The following NRG3 variants were observed in gnomAD, a reference collection of about 807,000 sequenced individuals.
The protein encoded by NRG3 is neuregulin 3, also known as pro-neuregulin-3, membrane-bound isoform.
NRG3 carries 31 observed loss-of-function variants against 66.9 expected under a neutral mutation model. That is an observed-to-expected ratio of 0.46 (90% CI 0.35 to 0.63). The LOEUF (loss-of-function observed/expected upper bound fraction) is 0.63. Ranked by LOEUF, NRG3 falls within the 20% of genes least tolerant of loss-of-function variation. NRG3 has a pLI of 0.00. For synonymous variants in NRG3, 393 were observed against 359.4 expected (o/e 1.09, Z -1.06); for missense variants, 910 against 878.9 (o/e 1.04, Z -0.45).
chr10:82,278,156 C>T, intron 1 of NRG3, among the ~76,000 whole-genome samples: 1 of 151,998 alleles, frequency 6.6e-6, no homozygotes. Flanking sequence ...ACGATTTACA[C>T]TAAAATTAGC....
chr10:82,260,511 A>C (rs931603633), intron 1 of NRG3, among the ~76,000 whole-genome samples: 3 of 152,188 alleles, frequency 2.0e-5, no homozygotes, highest in Admixed American at 6.5e-5. Flanking sequence ...CAGGTTGGGT[A>C]AAGACAATGA....
intron 4 of NRG3, among the ~76,000 whole-genome samples, chr10:82,947,861 A>T (rs1849161241): frequency 6.6e-6 from 1 of 152,076 alleles, no homozygotes; most frequent in Non-Finnish European, 1.5e-5. Context: ...TTCAGACTGT[A>T]TCTTGCCTTT....
At chr10:82,540,160 G>T (rs1231108309) in intron 2 of NRG3, among the ~76,000 whole-genome samples, 1 of 150,618 alleles carries the variant, frequency 6.6e-6, no homozygotes. Flanking sequence ...TTCCATAGCC[G>T]TGCTGTAATT....
intron 1 of NRG3, among the ~76,000 whole-genome samples, chr10:82,294,798 G>GT (rs1428463447): frequency 2.6e-5 from 4 of 151,998 alleles, no homozygotes; most frequent in Non-Finnish European, 5.9e-5. Context: ...AATTTCTGCT[G>GT]TTTCATGTAC....
chr10:82,279,649 AC>A (rs2079032337), intron 1 of NRG3, among the ~76,000 whole-genome samples: 1 of 152,178 alleles, frequency 6.6e-6, no homozygotes, highest in Non-Finnish European at 1.5e-5. Flanking sequence ...TTTTCTGACA[AC>A]GAACACGGAG....
chr10:82,651,605 T>A (rs2051419101), intron 2 of NRG3, among the ~76,000 whole-genome samples: 1 of 152,132 alleles, frequency 6.6e-6, no homozygotes, highest in African/African-American at 2.4e-5. Context: ...TAGCCAGCAG[T>A]CGTGAGTGTG....
chr10:82,058,973 A>G (rs1020962642), intron 1 of NRG3, among the ~76,000 whole-genome samples: 3 of 152,202 alleles, frequency 2.0e-5, no homozygotes, highest in African/African-American at 7.2e-5. Context: ...ATGGTGGAGA[A>G]GGAGCAAGAA....
chr10:82,898,861 G>A (rs909125367), intron 4 of NRG3, among the ~76,000 whole-genome samples: 1 of 151,310 alleles, frequency 6.6e-6, no homozygotes, highest in Non-Finnish European at 1.5e-5. Flanking sequence ...AGTTGGGACT[G>A]CAGGCACCCC....
At chr10:82,180,671 C>T (rs193298520) in intron 1 of NRG3, among the ~76,000 whole-genome samples, 1 of 151,804 alleles carries the variant, frequency 6.6e-6, no homozygotes, top group African/African-American at 2.4e-5. Flanking sequence ...TTTTTACATG[C>T]ATATTCATCA....
chr10:82,519,429 G>A (rs980175804), intron 2 of NRG3, among the ~76,000 whole-genome samples: 2 of 152,164 alleles, frequency 1.3e-5, no homozygotes, highest in African/African-American at 2.4e-5. Context: ...ATTTAGCAAT[G>A]TAGGCGTTAT....
At chr10:82,512,281 T>C (rs964433597) in intron 2 of NRG3, among the ~76,000 whole-genome samples, 8 of 151,544 alleles carry the variant, frequency 5.3e-5, no homozygotes, top group African/African-American at 1.2e-4. Flanking sequence ...TTTTTATTTA[T>C]CTTTTATTTT....
Position 82,579,813 on chromosome 10 carries a change from A to G in NRG3, c.954-158764A>G, listed in dbSNP as rs143792082. Among the ~76,000 whole-genome samples, 5 of 152,122 alleles carry G rather than the reference A, an allele frequency of 3.3e-5. No homozygotes were observed. In the East Asian group the frequency reaches 7.7e-4, roughly 24 times the overall value. On this transcript the variant is annotated intron_variant, in intron 2 of 8. Transcript: ENST00000372141. The stretch of plus-strand genomic sequence containing the variant: ...ATTCTGCATTTGTGGCCATGGTTAC[A>G]TAAAAAAGTAATCATTGGGAAAAAA...
chr10:81,961,788 G>T (rs1262534926), intron 1 of NRG3, among the ~76,000 whole-genome samples: 1 of 152,242 alleles, frequency 6.6e-6, no homozygotes, highest in Non-Finnish European at 1.5e-5. Context: ...GATAACTTTT[G>T]CTCCTGTTAG....
chr10:82,119,992 G>A (rs2067982890), intron 1 of NRG3, among the ~76,000 whole-genome samples: 1 of 152,132 alleles, frequency 6.6e-6, no homozygotes, highest in South Asian at 2.1e-4. Flanking sequence ...CAAAGATAAT[G>A]TTTTAAGGGA....
At chr10:82,938,816 T>C (rs532664427) in intron 4 of NRG3, among the ~76,000 whole-genome samples, 28 of 152,352 alleles carry the variant, frequency 1.8e-4, no homozygotes, top group Non-Finnish European at 3.8e-4. Flanking sequence ...AAATGAAATG[T>C]TATTGTTCCA....
At chr10:82,514,071 T>G (rs1845439765) in intron 2 of NRG3, among the ~76,000 whole-genome samples, 1 of 152,228 alleles carries the variant, frequency 6.6e-6, no homozygotes, top group Admixed American at 6.5e-5. Flanking sequence ...AAGTTCCTTG[T>G]AGATTCTGGA....
intron 2 of NRG3, among the ~76,000 whole-genome samples, chr10:82,671,673 G>A (rs72829364): frequency 0.28 from 42,173 of 151,966 alleles, 6,099 homozygotes; most frequent in Admixed American, 0.38. Flanking sequence ...TTTGTAAAAT[G>A]AGGTAAACGA....
At chr10:82,598,227 T>A (rs1453891962) in intron 2 of NRG3, among the ~76,000 whole-genome samples, 1 of 152,238 alleles carries the variant, frequency 6.6e-6, no homozygotes, top group Non-Finnish European at 1.5e-5. Context: ...ACGCTTCAAA[T>A]ATTTCTCTTT....
chr10:81,985,563 C>T (rs2064620), intron 1 of NRG3, among the ~76,000 whole-genome samples: 68,974 of 152,074 alleles, frequency 0.45, 19,567 homozygotes, highest in East Asian at 0.77. Flanking sequence ...CCTAATTCCA[C>T]GAGTGATTAT....
Sources: gnomAD v4.1 joint callset for allele counts (sites outside exome capture counted in the v4.1 genomes callset) on GRCh38, gnomAD v4.1.1 for gene constraint, MANE v1.5 for transcripts, NCBI Gene and HGNC (gene_info 2026-07-23, HGNC 2026-07-21) for gene names.